SLC39A8: variants seen among roughly 807,000 people sequenced by gnomAD.
SLC39A8 encodes solute carrier family 39 member 8.
SLC39A8 carries 15 observed loss-of-function variants against 40.4 expected under a neutral mutation model. The ratio of observed to expected loss-of-function variants is 0.37; its 90% CI spans 0.25 to 0.57. SLC39A8 has a LOEUF of 0.57. SLC39A8 is among the 20% of genes least tolerant of loss of function. The pLI is 0.75. For synonymous variants in SLC39A8, 223 were observed against 221.6 expected (o/e 1.01, Z -0.06); for missense variants, 472 against 558.8 (o/e 0.84, Z 1.57).
At chr4:102,284,053 A>T (rs1298749921) in intron 6 of SLC39A8, among the ~76,000 whole-genome samples, 1 of 152,212 alleles carries the variant, frequency 6.6e-6, no homozygotes, top group Non-Finnish European at 1.5e-5. Context: ...AGTGACCCAG[A>T]CATCATCATA....
chr4:102,281,635 G>C (rs972552474), intron 6 of SLC39A8, among the ~76,000 whole-genome samples: 1 of 152,002 alleles, frequency 6.6e-6, no homozygotes, highest in African/African-American at 2.4e-5. Flanking sequence ...GGACCAAGTG[G>C]GGGTGATAAG....
At chr4:102,287,370 T>C (rs1733229647) in intron 6 of SLC39A8, among the ~76,000 whole-genome samples, 1 of 152,120 alleles carries the variant, frequency 6.6e-6, no homozygotes, top group South Asian at 2.1e-4. Flanking sequence ...AAATGACAAA[T>C]GTTTAAAAAC....
At position 102,305,058 on chromosome 4, in the gene SLC39A8, C is replaced by T; in HGVS notation, c.606G>A (p.Val202=). ...AGAAAAGTAGGTAAAATCCACCAAA[C>T]ACAGCAACTGCCTTCTCAACATAAC... is the stretch of plus-strand genomic sequence containing the variant. ...VDSYVEKAVA[V]FGGFYLLFFF... is the part of the protein sequence containing the mutation. Residue 202 remains valine (V), a synonymous_variant, in exon 5 of 9, where the codon GTG becomes GTA. Coordinates refer to ENST00000356736, the MANE Select transcript of SLC39A8 (RefSeq NM_001135146.2). The T allele has an allele frequency of 6.2e-7, 1 of 1,610,864 alleles. No homozygotes were observed. Among genetic ancestry groups the T allele is most frequent in the Non-Finnish European group, 8.5e-7 (1 of 1,178,138 alleles).
chr4:102,283,820 G>A (rs1017528446), intron 6 of SLC39A8, among the ~76,000 whole-genome samples: 2 of 152,184 alleles, frequency 1.3e-5, no homozygotes, highest in Non-Finnish European at 2.9e-5. Flanking sequence ...GTTTTCCAAT[G>A]TCATTTTATA....
chr4:102,252,159 C>G (rs1212028112), exon 12 of SLC39A8: 1 of 152,366 alleles, frequency 6.6e-6, no homozygotes, highest in Non-Finnish European at 1.5e-5. Flanking sequence ...TGCTTCTTTT[C>G]CATCTCCCCT....
intron 6 of SLC39A8, among the ~76,000 whole-genome samples, chr4:102,283,489 G>A (rs914015753): frequency 6.6e-6 from 1 of 152,160 alleles, no homozygotes; most frequent in African/African-American, 2.4e-5. Flanking sequence ...AAGTACCTCT[G>A]GTTTTGAGTA....
intron 6 of SLC39A8, among the ~76,000 whole-genome samples, chr4:102,273,587 C>T (rs1732470328): frequency 6.6e-6 from 1 of 152,180 alleles, no homozygotes; most frequent in Non-Finnish European, 1.5e-5. Flanking sequence ...GCATAGTGCT[C>T]GAGCTCTGCT....
chr4:102,299,019 G>A (rs962925221), intron 6 of SLC39A8, among the ~76,000 whole-genome samples: 1 of 151,970 alleles, frequency 6.6e-6, no homozygotes, highest in Admixed American at 6.6e-5. Flanking sequence ...TACCCCTGGG[G>A]AAAGTGAACT....
At chr4:102,255,215 A>G (rs1731680684) in intron 11 of SLC39A8, among the ~76,000 whole-genome samples, 5 of 152,218 alleles carry the variant, frequency 3.3e-5, no homozygotes, top group Admixed American at 3.3e-4. Context: ...TAAATATCTC[A>G]ATATTTAACT....
At chr4:102,332,170 T>C (rs1186727969) in intron 2 of SLC39A8, among the ~76,000 whole-genome samples, 2 of 152,092 alleles carry the variant, frequency 1.3e-5, no homozygotes, top group Middle Eastern at 3.4e-3. Flanking sequence ...ACAAATGGGA[T>C]CTAATTAAAC....
At chr4:102,288,749 TA>T (rs1733294793) in intron 6 of SLC39A8, among the ~76,000 whole-genome samples, 1 of 152,136 alleles carries the variant, frequency 6.6e-6, no homozygotes, top group South Asian at 2.1e-4. Flanking sequence ...CAACATACCC[TA>T]AAGTAGGAGC....
intron 2 of SLC39A8, among the ~76,000 whole-genome samples, chr4:102,334,747 A>G (rs1190246726): frequency 6.6e-6 from 1 of 152,200 alleles, no homozygotes; most frequent in Non-Finnish European, 1.5e-5. Context: ...GAGAGGCAAT[A>G]GTGGAAAGTG....
At chr4:102,308,474 T>C (rs1734286060) in intron 3 of SLC39A8, among the ~76,000 whole-genome samples, 1 of 152,100 alleles carries the variant, frequency 6.6e-6, no homozygotes, top group African/African-American at 2.4e-5. Flanking sequence ...ACCTATTGCC[T>C]TTGGGCCTCA....
At chr4:102,292,590 G>C (rs191151892) in intron 6 of SLC39A8, among the ~76,000 whole-genome samples, 23 of 152,154 alleles carry the variant, frequency 1.5e-4, no homozygotes, top group Middle Eastern at 3.4e-3. Flanking sequence ...CCTTCCAGTT[G>C]ATAAGTGCTT....
At chr4:102,253,952 C>G (rs1731652373) in intron 11 of SLC39A8, among the ~76,000 whole-genome samples, 1 of 152,054 alleles carries the variant, frequency 6.6e-6, no homozygotes, top group African/African-American at 2.4e-5. Flanking sequence ...CACCTTACCC[C>G]CAACACATAT....
chr4:102,333,021 T>C (rs1016591414), intron 2 of SLC39A8, among the ~76,000 whole-genome samples: 2 of 152,056 alleles, frequency 1.3e-5, no homozygotes, highest in Non-Finnish European at 2.9e-5. Context: ...TGTCAGGGGC[T>C]GCGGGGCTAG....
intron 2 of SLC39A8, among the ~76,000 whole-genome samples, chr4:102,336,539 A>G (rs1406956385): frequency 1.3e-5 from 2 of 152,248 alleles, no homozygotes; most frequent in Non-Finnish European, 2.9e-5. Flanking sequence ...TTCTCTAGCT[A>G]TTCAATTAGT....
chr4:102,308,411 TAGAATAAA>T (rs1307634987), intron 3 of SLC39A8, among the ~76,000 whole-genome samples: 1 of 152,072 alleles, frequency 6.6e-6, no homozygotes, highest in East Asian at 1.9e-4. Flanking sequence ...AAGTATTGCT[TAGAATAAA>T]ATGAATGAAT....
In SLC39A8 at chr4:102,267,475, T is replaced by C. The variant is rs986305757; in HGVS notation, c.1233+15A>G. 1 of 1,568,832 alleles carries C rather than the reference T, an allele frequency of 6.4e-7. No homozygotes were observed. ...ATTTTAAATTAAAAGAAAATACAAA[T>C]TTTAAGCTTCTTACCATATCTGCCA... On this transcript the variant is annotated intron_variant, in intron 8 of 8. Transcript: ENST00000356736.
Sources: allele counts gnomAD v4.1 joint callset (sites outside exome capture counted in the v4.1 genomes callset), GRCh38; gene constraint gnomAD v4.1.1; transcripts MANE v1.5; gene names NCBI Gene and HGNC (gene_info 2026-07-23, HGNC 2026-07-21).